The following RPTOR variants were observed in gnomAD, a reference collection of about 807,000 sequenced individuals.
RPTOR encodes regulatory associated protein of MTOR complex 1.
A neutral mutation model predicts 169.9 loss-of-function variants in RPTOR; 21 were observed. The ratio of observed to expected loss-of-function variants is 0.12; its 90% CI spans 0.09 to 0.18. The LOEUF (loss-of-function observed/expected upper bound fraction) is 0.18, where lower values mean the gene tolerates loss of function less well. Among genes scored for constraint, RPTOR ranks in the 10% least tolerant of loss-of-function variants. The pLI is 1.00. For missense variants in RPTOR, 1,133 were observed against 1,855.9 expected (o/e 0.61, Z 7.16); for synonymous variants, 732 against 753.2 (o/e 0.97, Z 0.46).
intron 1 of RPTOR, among the ~76,000 whole-genome samples, chr17:80,573,767 G>T (rs2143321175): frequency 6.6e-6 from 1 of 152,262 alleles, no homozygotes; most frequent in South Asian, 2.1e-4. Context: ...GTGGTTTCAT[G>T]CTGGTCTTGA....
chr17:80,580,917 C>T (rs1330185482), intron 1 of RPTOR, among the ~76,000 whole-genome samples: 1 of 152,094 alleles, frequency 6.6e-6, no homozygotes, highest in Non-Finnish European at 1.5e-5. Flanking sequence ...CATGAGCCAC[C>T]ATGCCTAGCC....
chr17:80,610,180 CCTCCTT>C lies in RPTOR; in HGVS notation c.163-15497_163-15492del, dbSNP rs1408358373. Among the ~76,000 whole-genome samples, 7 of 151,864 alleles carry C rather than the reference CCTCCTT, an allele frequency of 4.6e-5. No homozygotes were observed. In the East Asian group the frequency reaches 5.8e-4, roughly 13 times the overall value. ...CTCTTCTCCTCCTCCTCTTTCTCTT[CCTCCTT>C]CTCCTTCTCCTTCCCTCCTTGCATT... On this transcript the variant is annotated intron_variant, in intron 1 of 33. Transcript: ENST00000306801.
At chr17:80,588,506 G>A (rs952209104) in intron 1 of RPTOR, among the ~76,000 whole-genome samples, 3 of 152,082 alleles carry the variant, frequency 2.0e-5, no homozygotes, top group African/African-American at 7.2e-5. Context: ...TCCATATCTC[G>A]GCTATTGTGA....
At position 80,857,810 on chromosome 17, in the gene RPTOR, C is replaced by T. The variant is rs1428668890; in HGVS notation, c.1419C>T (p.Phe473=). 2 of 1,611,330 alleles carry T rather than the reference C, an allele frequency of 1.2e-6. No individual in the cohort carries two copies. The highest frequency in any genetic ancestry group is 1.7e-4 in the Middle Eastern group (1 of 6,058). Reference sequence around the variant, plus strand: ...CCCAGGCCTTGTCTGTCGGCATCTTCCCCTACGTGCTGAAGCTGCTCCAGA... The same window carrying T: ...CCCAGGCCTTGTCTGTCGGCATCTTTCCCTACGTGCTGAAGCTGCTCCAGA... ...AVSLALSVGI[F]PYVLKLLQSS... The change falls in exon 13 of 34, where the codon TTC becomes TTT. Residue 473 remains phenylalanine (F), a synonymous_variant. Transcript: ENST00000306801.
In RPTOR at chr17:80,545,282, C is replaced by G; in HGVS notation, c.-348C>G. The stretch of plus-strand genomic sequence containing the variant: ...CGGTGGAGGCCGAGAGCAGGGTCAT[C>G]GTGAGGCCTGAAGTCTCTTACGCTT... On this transcript the variant is annotated 5_prime_UTR_variant, in exon 1 of 34. The change creates a new upstream start codon in the 5' untranslated region. Coordinates refer to ENST00000306801, the MANE Select transcript of RPTOR (RefSeq NM_020761.3). 4.0e-6 allele frequency: 1 copy of G among 247,344 alleles called. No individual in the cohort carries two copies. Among genetic ancestry groups the G allele is most frequent in the East Asian group, 5.9e-5 (1 of 16,932 alleles). 15.3% of individuals were successfully genotyped at this position (247,344 alleles called of 1,614,324 possible).
chr17:80,770,665 A>G (rs1172531290), intron 6 of RPTOR, among the ~76,000 whole-genome samples: 1 of 152,226 alleles, frequency 6.6e-6, no homozygotes. Context: ...TGCTGTTTGC[A>G]TTCTCTAAGA....
chr17:80,574,313 C>T (rs1348481096), intron 1 of RPTOR, among the ~76,000 whole-genome samples: 15 of 150,402 alleles, frequency 1.0e-4, no homozygotes, highest in African/African-American at 3.4e-4. Context: ...TACAGGCGCC[C>T]GCCACCGCGC....
chr17:80,652,771 T>C (rs2065650937), intron 3 of RPTOR, among the ~76,000 whole-genome samples: 1 of 152,242 alleles, frequency 6.6e-6, no homozygotes, highest in Non-Finnish European at 1.5e-5. Flanking sequence ...TGCTGGGTCA[T>C]ATGGTGACCC....
Position 80,961,460 on chromosome 17 carries a change from C to A in RPTOR, c.3672C>A (p.Asp1224Glu), listed in dbSNP as rs112261045. ...VVKASLQKRP[D>E]GHIVSVSVNG... ...AGGCCTCCCTGCAGAAGCGTCCCGA[C>A]GGCCACATCGTGAGTGTGAGGTGAG... The change falls in exon 31 of 34, where the codon GAC becomes GAA. Residue 1224 changes from aspartate to glutamate, a missense_variant. Physicochemically the swap from Asp to Glu is conservative, Grantham distance 45 (BLOSUM62 2). Around this residue, in one of 9 missense-constraint regions of RPTOR, gnomAD observed 410 missense variants for 623.7 expected, o/e 0.66. Transcript: ENST00000306801. The A allele has an allele frequency of 2.6e-6, 4 of 1,550,934 alleles. No individual in the cohort carries two copies. The highest frequency in any genetic ancestry group is 3.9e-5 in the Admixed American group (2 of 51,244).
intron 2 of RPTOR, among the ~76,000 whole-genome samples, chr17:80,632,714 T>C (rs772688682): frequency 1.1e-4 from 16 of 152,218 alleles, no homozygotes; most frequent in Non-Finnish European, 1.8e-4. Context: ...TTTAACAATA[T>C]GGCATAAGAG....
At chr17:80,573,306 G>C (rs747543864) in intron 1 of RPTOR, among the ~76,000 whole-genome samples, 2 of 152,168 alleles carry the variant, frequency 1.3e-5, no homozygotes, top group Non-Finnish European at 2.9e-5. Flanking sequence ...GAAAATTTGG[G>C]GGGTATTTGA....
chr17:80,607,388 G>GT, intron 1 of RPTOR, among the ~76,000 whole-genome samples: 1 of 152,252 alleles, frequency 6.6e-6, no homozygotes, highest in South Asian at 2.1e-4. Flanking sequence ...TTAATGTCAT[G>GT]TATCAATCGT....
Position 80,962,921 on chromosome 17 carries a change from C to A in RPTOR, c.3810-7C>A. On this transcript the variant is annotated splice_region_variant and splice_polypyrimidine_tract_variant and intron_variant, in intron 32 of 33. Transcript: ENST00000306801. Reference sequence around the variant, plus strand: ...CAGTGATGCCGGGACCCTTTCTCTCCCCACAGTGGCTCCGTCAATCAGTTC... The same window carrying A: ...CAGTGATGCCGGGACCCTTTCTCTCACCACAGTGGCTCCGTCAATCAGTTC... The A allele has an allele frequency of 1.2e-6, 2 of 1,613,516 alleles. No homozygotes were observed. The highest frequency in any genetic ancestry group is 1.7e-6 in the Non-Finnish European group (2 of 1,179,906).
chr17:80,566,844 A>C (rs1306402404), intron 1 of RPTOR, among the ~76,000 whole-genome samples: 6 of 151,376 alleles, frequency 4.0e-5, no homozygotes, highest in African/African-American at 1.5e-4. Flanking sequence ...AAAAAAAAAA[A>C]AAAAAAAAGA....
At position 80,545,268 on chromosome 17, in the gene RPTOR, G is replaced by C. The variant is rs2084259871; in HGVS notation, c.-362G>C. 1 of 242,536 alleles carries C rather than the reference G, an allele frequency of 4.1e-6. No individual in the cohort carries two copies. Among genetic ancestry groups the C allele is most frequent in the African/African-American group, 2.2e-5 (1 of 45,698 alleles). 15.0% of individuals were successfully genotyped at this position (242,536 alleles called of 1,614,324 possible). On this transcript the variant is annotated 5_prime_UTR_variant, in exon 1 of 34. Transcript: ENST00000306801. Reference sequence around the variant, plus strand: ...CGGAACTGCTGAGGCGGTGGAGGCCGAGAGCAGGGTCATCGTGAGGCCTGA... The same window carrying C: ...CGGAACTGCTGAGGCGGTGGAGGCCCAGAGCAGGGTCATCGTGAGGCCTGA...
intron 28 of RPTOR, among the ~76,000 whole-genome samples, chr17:80,956,617 C>A (rs1285941832): frequency 6.6e-6 from 1 of 152,266 alleles, no homozygotes; most frequent in Non-Finnish European, 1.5e-5. Flanking sequence ...CCTAAAGTCA[C>A]CCAGACCTGC....
chr17:80,883,532 C>T (rs779419797), intron 15 of RPTOR, 48 bp downstream of exon 15: 3 of 1,582,226 alleles, frequency 1.9e-6, no homozygotes, highest in Non-Finnish European at 2.6e-6. Flanking sequence ...CTTGGCATTG[C>T]AGAGGAGCTG....
intron 5 of RPTOR, among the ~76,000 whole-genome samples, chr17:80,738,279 T>C (rs1478681767): frequency 6.6e-6 from 1 of 152,246 alleles, no homozygotes; most frequent in South Asian, 2.1e-4. Context: ...GTGGGACATT[T>C]GTGCCGTTTC....
intron 20 of RPTOR, among the ~76,000 whole-genome samples, chr17:80,901,598 A>G (rs1413423888): frequency 6.6e-6 from 1 of 152,230 alleles, no homozygotes; most frequent in Non-Finnish European, 1.5e-5. Flanking sequence ...TAACTTACAC[A>G]GAATCCCATT....
Sources: gnomAD v4.1 joint callset for allele counts (sites outside exome capture counted in the v4.1 genomes callset) on GRCh38, gnomAD v4.1.1 for gene constraint, gnomAD v4.1.1 regional missense constraint, MANE v1.5 for transcripts, NCBI Gene and HGNC (gene_info 2026-07-23, HGNC 2026-07-21) for gene names.